Variants in PTPRD observed in about 807,000 individuals in gnomAD.
PTPRD encodes protein tyrosine phosphatase receptor type D.
A neutral mutation model predicts 214.5 loss-of-function variants in PTPRD; 34 were observed. That is an observed-to-expected ratio of 0.16 (90% CI 0.12 to 0.21). PTPRD has a LOEUF of 0.21. Among genes scored for constraint, PTPRD ranks in the 10% least tolerant of loss-of-function variants. PTPRD has a pLI of 1.00. For synonymous variants in PTPRD, 1,128 were observed against 845.7 expected (o/e 1.33, Z -5.79); for missense variants, 2,545 against 2,398.7 (o/e 1.06, Z -1.27).
At chr9:10,016,336 A>T (rs1247613812) in intron 4 of PTPRD, among the ~76,000 whole-genome samples, 2 of 151,760 alleles carry the variant, frequency 1.3e-5, no homozygotes, top group Non-Finnish European at 2.9e-5. Flanking sequence ...GTCCAGGGAA[A>T]TGAGATAGAT....
intron 2 of PTPRD, among the ~76,000 whole-genome samples, chr9:10,423,237 T>C (rs891802866): frequency 1.3e-5 from 2 of 151,880 alleles, no homozygotes; most frequent in Non-Finnish European, 2.9e-5. Flanking sequence ...TTCTCACTCA[T>C]AGGTGGGAAT....
chr9:10,271,538 TC>T (rs149297840), intron 3 of PTPRD, among the ~76,000 whole-genome samples: 69,915 of 134,804 alleles, frequency 0.52, 20,654 homozygotes, highest in Non-Finnish European at 0.66. Flanking sequence ...TTGTTTCTTT[TC>T]TTTTCTTTTC....
chr9:9,590,296 T>C (rs938805362), intron 7 of PTPRD, among the ~76,000 whole-genome samples: 1 of 152,034 alleles, frequency 6.6e-6, no homozygotes, highest in African/African-American at 2.4e-5. Context: ...CAGCAATCTT[T>C]GCTCCCTTTA....
chr9:10,173,789 C>G (rs1458437985), intron 3 of PTPRD, among the ~76,000 whole-genome samples: 1 of 151,610 alleles, frequency 6.6e-6, no homozygotes, highest in Non-Finnish European at 1.5e-5. Flanking sequence ...TCACAGCACA[C>G]TAGATTGAAA....
chr9:8,431,234 C>T (rs1001161638), intron 35 of PTPRD, among the ~76,000 whole-genome samples: 3 of 152,008 alleles, frequency 2.0e-5, no homozygotes, highest in Admixed American at 1.3e-4. Context: ...CTTTATGGGG[C>T]CTGTACGTAA....
At chr9:10,467,237 A>T (rs539663910) in intron 2 of PTPRD, among the ~76,000 whole-genome samples, 3 of 152,210 alleles carry the variant, frequency 2.0e-5, no homozygotes, top group Non-Finnish European at 2.9e-5. Flanking sequence ...TAGTTGTGGG[A>T]TGTTAGATCT....
chr9:9,882,493 T>C (rs2069101681), intron 5 of PTPRD, among the ~76,000 whole-genome samples: 1 of 152,138 alleles, frequency 6.6e-6, no homozygotes, highest in South Asian at 2.1e-4. Flanking sequence ...ATTTTTATTT[T>C]ATAAAAGGGC....
At chr9:8,416,934 G>A (rs1471572392) in intron 35 of PTPRD, among the ~76,000 whole-genome samples, 1 of 151,398 alleles carries the variant, frequency 6.6e-6, no homozygotes, top group Non-Finnish European at 1.5e-5. Context: ...AGGAGAACTG[G>A]GATGTAAATG....
At chr9:10,050,777 T>C (rs984248364) in intron 3 of PTPRD, among the ~76,000 whole-genome samples, 1 of 151,954 alleles carries the variant, frequency 6.6e-6, no homozygotes, top group African/African-American at 2.4e-5. Context: ...TTTTATCGTA[T>C]CTTTCATTCT....
intron 2 of PTPRD, among the ~76,000 whole-genome samples, chr9:10,348,265 T>C (rs1022909747): frequency 6.6e-6 from 1 of 152,158 alleles, no homozygotes; most frequent in Non-Finnish European, 1.5e-5. Context: ...AACTATAAAC[T>C]CTAAAATATC....
chr9:8,923,352 T>C (rs2154271800), intron 11 of PTPRD, among the ~76,000 whole-genome samples: 1 of 152,132 alleles, frequency 6.6e-6, no homozygotes, highest in African/African-American at 2.4e-5. Flanking sequence ...AGCTTCTACG[T>C]ACTTCTTATT....
At chr9:8,603,323 A>C (rs1453483245) in intron 14 of PTPRD, among the ~76,000 whole-genome samples, 2 of 152,174 alleles carry the variant, frequency 1.3e-5, no homozygotes, top group East Asian at 1.9e-4. Context: ...AAAAGAAAAA[A>C]ATCTAAGTTT....
At chr9:9,567,713 T>TA (rs1768338692) in intron 8 of PTPRD, among the ~76,000 whole-genome samples, 1 of 152,026 alleles carries the variant, frequency 6.6e-6, no homozygotes, top group Non-Finnish European at 1.5e-5. Context: ...TTGAATTTTT[T>TA]ATCCCCCTCC....
intron 11 of PTPRD, among the ~76,000 whole-genome samples, chr9:8,979,484 A>G (rs1362476256): frequency 6.6e-6 from 1 of 152,244 alleles, no homozygotes; most frequent in East Asian, 1.9e-4. Flanking sequence ...TTTAAACCAC[A>G]TATCTGATAA....
At chr9:9,177,994 G>A (rs1417675576) in intron 10 of PTPRD, among the ~76,000 whole-genome samples, 1 of 152,092 alleles carries the variant, frequency 6.6e-6, no homozygotes, top group African/African-American at 2.4e-5. Flanking sequence ...ATCAGATGAT[G>A]AAATATCTGG....
intron 3 of PTPRD, among the ~76,000 whole-genome samples, chr9:10,241,483 T>C (rs971527674): frequency 3.3e-5 from 5 of 151,928 alleles, no homozygotes; most frequent in Non-Finnish European, 5.9e-5. Context: ...AACCAAATTA[T>C]AGTATAGCCA....
intron 3 of PTPRD, among the ~76,000 whole-genome samples, chr9:10,263,110 C>T (rs2093806550): frequency 1.3e-5 from 2 of 152,120 alleles, no homozygotes; most frequent in Non-Finnish European, 2.9e-5. Context: ...ACTGTGAGTC[C>T]ATGAAACCTA....
chr9:8,966,913 AAAAC>A (rs75275198), intron 11 of PTPRD, among the ~76,000 whole-genome samples: 3,522 of 151,546 alleles, frequency 0.023, 141 homozygotes, highest in African/African-American at 0.077. Flanking sequence ...TGAACAAGCA[AAAAC>A]AAACAAACAA....
chr9:9,663,509 C>G (rs1302441485), intron 7 of PTPRD, among the ~76,000 whole-genome samples: 2 of 151,374 alleles, frequency 1.3e-5, no homozygotes, highest in Non-Finnish European at 3.0e-5. Context: ...TCATTGGTAG[C>G]TCAATCATAA....
Sources: allele counts gnomAD v4.1 joint callset (sites outside exome capture counted in the v4.1 genomes callset), GRCh38; gene constraint gnomAD v4.1.1; transcripts MANE v1.5; gene names NCBI Gene and HGNC (gene_info 2026-07-23, HGNC 2026-07-21).